Variants in PDE3B observed in about 807,000 individuals in gnomAD.
PDE3B encodes the protein cGMP-inhibited 3',5'-cyclic phosphodiesterase 3B.
In PDE3B, 66 loss-of-function variants were observed where a neutral mutation model predicts 116.8. The observed-to-expected ratio is 0.56, with a 90% CI of 0.46 to 0.69. The LOEUF is 0.69. Among genes scored for constraint, PDE3B ranks in the 30% least tolerant of loss-of-function variants. The probability of loss-of-function intolerance (pLI) is 0.00; values close to 1 mark genes in which losing one functional copy is unlikely to be tolerated. For missense variants in PDE3B, 1,384 were observed against 1,368.1 expected, an observed-to-expected ratio of 1.01 and a Z score of -0.18; for synonymous variants, 595 against 533.6, an observed-to-expected ratio of 1.12 and a Z score of -1.59.
At chr11:14,721,989 A>T (rs1590089273) in intron 1 of PDE3B, among the ~76,000 whole-genome samples, 1 of 151,874 alleles carries the variant, frequency 6.6e-6, no homozygotes. Context: ...GCCGTAAAAA[A>T]TGATGAGTTC....
intron 1 of PDE3B, among the ~76,000 whole-genome samples, chr11:14,707,257 A>G (rs1490525666): frequency 1.3e-5 from 2 of 151,964 alleles, no homozygotes; most frequent in Non-Finnish European, 2.9e-5. Flanking sequence ...TGGATTTTCT[A>G]GTCAGTGGGG....
At chr11:14,803,380 G>A (rs949957220) in intron 4 of PDE3B, among the ~76,000 whole-genome samples, 5 of 152,166 alleles carry the variant, frequency 3.3e-5, no homozygotes, top group Non-Finnish European at 1.5e-5. Flanking sequence ...TACTTGTGAG[G>A]ATAGGGAACA....
At chr11:14,651,465 A>G (rs1183789005) in intron 1 of PDE3B, among the ~76,000 whole-genome samples, 1 of 152,190 alleles carries the variant, frequency 6.6e-6, no homozygotes, top group Non-Finnish European at 1.5e-5. Flanking sequence ...CAGAAAACTA[A>G]AGCTACGTAA....
At chr11:14,669,653 A>G (rs1345604690) in intron 1 of PDE3B, among the ~76,000 whole-genome samples, 1 of 105,358 alleles carries the variant, frequency 9.5e-6, no homozygotes, top group Non-Finnish European at 1.8e-5. Context: ...GATGTTCCCC[A>G]CCCTGTGTCC....
At chr11:14,759,666 A>G (rs1166970104) in intron 1 of PDE3B, among the ~76,000 whole-genome samples, 1 of 149,644 alleles carries the variant, frequency 6.7e-6, no homozygotes, top group Non-Finnish European at 1.5e-5. Flanking sequence ...CTTCTGCCTC[A>G]GCTTCTAGAG....
At chr11:14,820,425 A>G (rs1379895778) in intron 7 of PDE3B, among the ~76,000 whole-genome samples, 1 of 152,206 alleles carries the variant, frequency 6.6e-6, no homozygotes, top group Non-Finnish European at 1.5e-5. Context: ...AGAGACAATA[A>G]TCAGAACAGT....
intron 5 of PDE3B, among the ~76,000 whole-genome samples, chr11:14,807,114 G>C (rs192955972): frequency 1.7e-3 from 253 of 152,164 alleles, no homozygotes; most frequent in Non-Finnish European, 3.0e-3. Flanking sequence ...TCTGAGGCTG[G>C]GGGGCTGGGG....
chr11:14,755,721 T>C (rs1565123055), intron 1 of PDE3B, among the ~76,000 whole-genome samples: 1 of 152,234 alleles, frequency 6.6e-6, no homozygotes, highest in Non-Finnish European at 1.5e-5. Context: ...CACATTATTA[T>C]ATTTTGAATT....
intron 1 of PDE3B, among the ~76,000 whole-genome samples, chr11:14,718,803 C>T (rs2133838949): frequency 7.9e-6 from 1 of 126,114 alleles, no homozygotes; most frequent in Middle Eastern, 3.7e-3. Flanking sequence ...GCACTAAATG[C>T]CCACAAGAGA....
rs112662826 is a variant in PDE3B at position 14,803,313 on chromosome 11, T to C, written c.1416-631T>C. Among the ~76,000 whole-genome samples the C allele has an allele frequency of 4.5e-3, 687 of 152,310 alleles. 9 individuals carry two copies. The highest frequency in any genetic ancestry group is 0.016 in the African/African-American group (670 of 41,568). Reference sequence around the variant, plus strand: ...AGCATTGACAGGGAGATGAGTTCATTGGGTGGTATTATTTGCTTACTGCTT... The same window carrying C: ...AGCATTGACAGGGAGATGAGTTCATCGGGTGGTATTATTTGCTTACTGCTT... On this transcript the variant is annotated intron_variant, in intron 4 of 15. Coordinates refer to ENST00000282096, the MANE Select transcript of PDE3B (RefSeq NM_000922.4).
At chr11:14,766,472 T>C (rs1043387445) in intron 1 of PDE3B, among the ~76,000 whole-genome samples, 3 of 151,698 alleles carry the variant, frequency 2.0e-5, no homozygotes, top group Non-Finnish European at 4.4e-5. Context: ...TTGCATTTTA[T>C]TGAAAAAAGC....
At chr11:14,879,079 TA>T in the PDE3B span, 1 of 1,504,998 alleles carries the variant, frequency 6.6e-7, no homozygotes, top group African/African-American at 1.4e-5. Flanking sequence ...CATTATCCTT[TA>T]TTCTAAAGTT....
At chr11:14,833,012 G>A (rs1174935194) in intron 10 of PDE3B, among the ~76,000 whole-genome samples, 179 bp downstream of exon 10, 1 of 151,230 alleles carries the variant, frequency 6.6e-6, no homozygotes, top group Admixed American at 6.6e-5. Context: ...GTGCAATGGC[G>A]CGATCTTGGC....
intron 1 of PDE3B, among the ~76,000 whole-genome samples, chr11:14,682,490 G>T (rs1341408853): frequency 2.0e-5 from 3 of 152,048 alleles, no homozygotes; most frequent in Admixed American, 2.0e-4. Context: ...TTATTATGTT[G>T]GGGAGGTTCC....
At chr11:14,881,225 T>C in the PDE3B span, among the ~76,000 whole-genome samples, 1 of 152,084 alleles carries the variant, frequency 6.6e-6, no homozygotes, top group Non-Finnish European at 1.5e-5. Context: ...TTTCCTCCCA[T>C]TAAAGGGATA....
Position 14,845,723 on chromosome 11 carries a change from G to A in PDE3B, c.2520+1697G>A, listed in dbSNP as rs190688635. Among the ~76,000 whole-genome samples, 595 of 152,292 alleles carry A rather than the reference G, an allele frequency of 3.9e-3. 5 individuals are homozygous for A. The highest frequency in any genetic ancestry group is 0.014 in the African/African-American group (578 of 41,558). ...GCCTCAGGAGCCGATGTGATCAACCGGAAGAAAGGGTTTCGGTGATGGAAG... is the reference window on the plus strand; with the variant it reads ...GCCTCAGGAGCCGATGTGATCAACCAGAAGAAAGGGTTTCGGTGATGGAAG... On this transcript the variant is annotated intron_variant, in intron 12 of 15. Transcript: ENST00000282096.
intron 1 of PDE3B, among the ~76,000 whole-genome samples, chr11:14,728,224 G>T (rs1214405071): frequency 7.9e-5 from 12 of 152,034 alleles, no homozygotes; most frequent in Admixed American, 7.9e-4. Flanking sequence ...TAAACCCACT[G>T]TGGCTGATAG....
At chr11:14,877,121 A>G in the PDE3B span, among the ~76,000 whole-genome samples, 252 of 152,264 alleles carry the variant, frequency 1.7e-3, no homozygotes, top group Non-Finnish European at 3.0e-3. Flanking sequence ...AGAAGAAATG[A>G]TGATGTAAAA....
chr11:14,763,936 T>C (rs1857427281), intron 1 of PDE3B, among the ~76,000 whole-genome samples: 1 of 152,096 alleles, frequency 6.6e-6, no homozygotes, highest in Non-Finnish European at 1.5e-5. Flanking sequence ...GCCCCTGTAT[T>C]ATTTAGGGAC....
Sources: gnomAD v4.1 joint callset for allele counts (sites outside exome capture counted in the v4.1 genomes callset) on GRCh38, gnomAD v4.1.1 for gene constraint, MANE v1.5 for transcripts, NCBI Gene and HGNC (gene_info 2026-07-23, HGNC 2026-07-21) for gene names.